MB21D2: variants seen among roughly 807,000 people sequenced by gnomAD.
MB21D2 encodes the protein Mab-21 domain containing 2.
In MB21D2, 9 loss-of-function variants were observed where a neutral mutation model predicts 33.3. The observed-to-expected ratio is 0.27, with a 90% CI of 0.16 to 0.47. The LOEUF (loss-of-function observed/expected upper bound fraction) is 0.47, where lower values mean the gene tolerates loss of function less well. Ranked by LOEUF, MB21D2 falls within the 20% of genes least tolerant of loss-of-function variation. The probability of loss-of-function intolerance (pLI) is 0.99; values close to 1 mark genes in which losing one functional copy is unlikely to be tolerated. For synonymous variants in MB21D2, 241 were observed against 236.3 expected (o/e 1.02, Z -0.18); for missense variants, 540 against 624.6 (o/e 0.86, Z 1.44).
intron 1 of MB21D2, among the ~76,000 whole-genome samples, chr3:192,867,920 C>T (rs1476437288): frequency 6.6e-6 from 1 of 151,952 alleles, no homozygotes; most frequent in African/African-American, 2.4e-5. Flanking sequence ...GCTAATCACA[C>T]AAAAAGGCTG....
chr3:192,821,725 C>T (rs991904031), intron 1 of MB21D2, among the ~76,000 whole-genome samples: 1 of 152,120 alleles, frequency 6.6e-6, no homozygotes, highest in Non-Finnish European at 1.5e-5. Flanking sequence ...GAACACCAGC[C>T]CTGCCACAGT....
chr3:192,889,755 G>C (rs528910759), intron 1 of MB21D2, among the ~76,000 whole-genome samples: 2 of 152,198 alleles, frequency 1.3e-5, no homozygotes, highest in African/African-American at 4.8e-5. Flanking sequence ...AAAGTGTTTT[G>C]TGAACTATTT....
Position 192,864,644 on chromosome 3 carries a change from T to C in MB21D2, c.211+52986A>G, listed in dbSNP as rs138445269. Among the ~76,000 whole-genome samples the C allele has an allele frequency of 4.3e-3, 662 of 152,240 alleles. 4 individuals are homozygous for C. Among genetic ancestry groups the C allele is most frequent in the African/African-American group, 0.015 (625 of 41,540 alleles). Reference sequence around the variant, plus strand: ...GCCTTGGCCTCCCAAGTAGCTGGGATTACAGACACCCGCCACCACGCCTGG... The same window carrying C: ...GCCTTGGCCTCCCAAGTAGCTGGGACTACAGACACCCGCCACCACGCCTGG... On this transcript the variant is annotated intron_variant, in intron 1 of 1. Transcript: ENST00000392452.
chr3:192,814,645 G>A (rs969304190), intron 1 of MB21D2, among the ~76,000 whole-genome samples: 3 of 152,044 alleles, frequency 2.0e-5, no homozygotes, highest in Non-Finnish European at 4.4e-5. Flanking sequence ...GGCAGATCAC[G>A]AGGTCAGGAG....
intron 1 of MB21D2, among the ~76,000 whole-genome samples, chr3:192,829,117 G>A (rs1712257226): frequency 6.6e-6 from 1 of 152,070 alleles, no homozygotes; most frequent in Non-Finnish European, 1.5e-5. Flanking sequence ...TCTGATTTAT[G>A]CCTGTAGTTT....
intron 1 of MB21D2, among the ~76,000 whole-genome samples, chr3:192,884,371 T>C (rs1007068786): frequency 1.3e-5 from 2 of 151,948 alleles, no homozygotes; most frequent in African/African-American, 4.8e-5. Context: ...CATGTCTTTT[T>C]TGTTGTTGTT....
intron 1 of MB21D2, among the ~76,000 whole-genome samples, chr3:192,903,663 G>A (rs937561779): frequency 2.6e-5 from 4 of 152,122 alleles, no homozygotes; most frequent in Admixed American, 6.5e-5. Context: ...CCCAACAACC[G>A]GTATCTCATG....
chr3:192,830,228 A>ATGAGTGTGTG (rs1045863003), intron 1 of MB21D2, among the ~76,000 whole-genome samples: 2 of 122,826 alleles, frequency 1.6e-5, no homozygotes, highest in Non-Finnish European at 3.2e-5. Context: ...TGCTTCAAAG[A>ATGAGTGTGTG]TGAGTGTGTG....
intron 1 of MB21D2, among the ~76,000 whole-genome samples, chr3:192,876,364 T>C (rs1227574526): frequency 6.6e-6 from 1 of 152,260 alleles, no homozygotes; most frequent in Non-Finnish European, 1.5e-5. Context: ...TCTGCTCACT[T>C]TGCCTTCTAA....
At chr3:192,821,420 C>T (rs929138504) in intron 1 of MB21D2, among the ~76,000 whole-genome samples, 5 of 152,138 alleles carry the variant, frequency 3.3e-5, no homozygotes, top group East Asian at 1.9e-4. Context: ...CTCACAACTT[C>T]GCTATTGCCC....
chr3:192,830,533 T>G (rs142993057), intron 1 of MB21D2, among the ~76,000 whole-genome samples: 199 of 152,310 alleles, frequency 1.3e-3, no homozygotes, highest in African/African-American at 4.4e-3. Flanking sequence ...CACCCCTTTC[T>G]GCAAACCAAC....
chr3:192,900,157 G>A (rs1035163832), intron 1 of MB21D2, among the ~76,000 whole-genome samples: 3 of 151,736 alleles, frequency 2.0e-5, no homozygotes, highest in Non-Finnish European at 4.4e-5. Flanking sequence ...CGTGGCGGGC[G>A]CCTGTAGTCC....
intron 1 of MB21D2, among the ~76,000 whole-genome samples, chr3:192,882,881 C>T (rs184688193): frequency 2.3e-4 from 35 of 152,056 alleles, no homozygotes; most frequent in African/African-American, 8.5e-4. Flanking sequence ...ACTACAGGTG[C>T]CCACCACCAC....
rs1712553679 is a variant in MB21D2 at position 192,840,794 on chromosome 3, T to G, written c.212-41144A>C. On this transcript the variant is annotated intron_variant, in intron 1 of 1. Coordinates refer to ENST00000392452, the MANE Select transcript of MB21D2 (RefSeq NM_178496.4). ...AAGACCAGGAAGATGAGGTTTTAGT[T>G]GGTTAAGACAACTTCTTGGAAACTT... Among the ~76,000 whole-genome samples, 7 of 152,318 alleles carry G rather than the reference T, an allele frequency of 4.6e-5. No homozygotes were observed. The South Asian group carries it at 1.5e-3, about 32-fold the overall frequency.
chr3:192,903,051 A>G (rs1228332797), intron 1 of MB21D2, among the ~76,000 whole-genome samples: 1 of 152,232 alleles, frequency 6.6e-6, no homozygotes, highest in East Asian at 1.9e-4. Flanking sequence ...TTTATTTAGC[A>G]TCCTTCCTCT....
At chr3:192,840,878 G>A (rs1712555972) in intron 1 of MB21D2, among the ~76,000 whole-genome samples, 1 of 152,208 alleles carries the variant, frequency 6.6e-6, no homozygotes, top group Non-Finnish European at 1.5e-5. Flanking sequence ...GAGCTTCCAA[G>A]TTGTTCCTTT....
intron 1 of MB21D2, among the ~76,000 whole-genome samples, chr3:192,879,430 T>A (rs1349887540): frequency 6.6e-6 from 1 of 152,194 alleles, no homozygotes; most frequent in African/African-American, 2.4e-5. Context: ...CACAAAGCAT[T>A]TGAGCAAATG....
intron 1 of MB21D2, among the ~76,000 whole-genome samples, chr3:192,802,415 C>T (rs1711580165): frequency 6.6e-6 from 1 of 152,156 alleles, no homozygotes; most frequent in Non-Finnish European, 1.5e-5. Flanking sequence ...ACATACTACA[C>T]TAAATACTAT....
At chr3:192,859,955 C>T (rs77489227) in intron 1 of MB21D2, among the ~76,000 whole-genome samples, 3 of 152,296 alleles carry the variant, frequency 2.0e-5, no homozygotes, top group East Asian at 1.9e-4. Flanking sequence ...ATAAATGAAA[C>T]TAAAGCAGAA....
Sources: allele counts gnomAD v4.1 joint callset (sites outside exome capture counted in the v4.1 genomes callset), GRCh38; gene constraint gnomAD v4.1.1; transcripts MANE v1.5; gene names NCBI Gene and HGNC (gene_info 2026-07-23, HGNC 2026-07-21).